Variants in SCAMP1 observed in about 807,000 individuals in gnomAD.
The protein encoded by SCAMP1 is secretory carrier membrane protein 1.
SCAMP1 carries 15 observed loss-of-function variants against 41.8 expected under a neutral mutation model. The ratio of observed to expected loss-of-function variants is 0.36; its 90% CI spans 0.24 to 0.55. The LOEUF (loss-of-function observed/expected upper bound fraction) is 0.55, where lower values mean the gene tolerates loss of function less well. SCAMP1 is among the 20% of genes least tolerant of loss of function. The pLI is 0.86. For synonymous variants in SCAMP1, 135 were observed against 136.8 expected (o/e 0.99, Z 0.09); for missense variants, 341 against 412.6 (o/e 0.83, Z 1.50).
At chr5:78,387,485 G>C (rs1380373160) in intron 1 of SCAMP1, among the ~76,000 whole-genome samples, 1 of 151,232 alleles carries the variant, frequency 6.6e-6, no homozygotes, top group African/African-American at 2.4e-5. Context: ...GTCTTGGTTT[G>C]GATCCATTGC....
At chr5:78,403,370 G>A (rs981634239) in intron 2 of SCAMP1, among the ~76,000 whole-genome samples, 12 of 151,678 alleles carry the variant, frequency 7.9e-5, no homozygotes, top group African/African-American at 2.7e-4. Flanking sequence ...CATTCATTTC[G>A]CTGATATATA....
chr5:78,421,406 A>G (rs916164556), intron 5 of SCAMP1, among the ~76,000 whole-genome samples: 1 of 152,208 alleles, frequency 6.6e-6, no homozygotes, highest in Non-Finnish European at 1.5e-5. Context: ...CCCATTCTGT[A>G]AAGATATGGT....
At chr5:78,421,521 T>C (rs1752339037) in intron 5 of SCAMP1, among the ~76,000 whole-genome samples, 1 of 152,146 alleles carries the variant, frequency 6.6e-6, no homozygotes, top group African/African-American at 2.4e-5. Flanking sequence ...GCCCTTAAGG[T>C]AGTGCGCCTC....
intron 1 of SCAMP1, among the ~76,000 whole-genome samples, chr5:78,375,395 C>T (rs1751041561): frequency 6.6e-6 from 1 of 152,032 alleles, no homozygotes; most frequent in Non-Finnish European, 1.5e-5. Context: ...ATCTCTAAGT[C>T]AGTATTCTCA....
rs138743920 is a variant in SCAMP1, at chr5:78,443,268, T to C, written c.633-6665T>C. Reference sequence around the variant, plus strand: ...TTACCTTAATAGATGCACAGATAAGTAGCAGCATTTCTGTTACCAGCTATG... The same window carrying C: ...TTACCTTAATAGATGCACAGATAAGCAGCAGCATTTCTGTTACCAGCTATG... On this transcript the variant is annotated intron_variant, in intron 6 of 8. Coordinates refer to ENST00000621999, the MANE Select transcript of SCAMP1 (RefSeq NM_004866.6). Among the ~76,000 whole-genome samples, 66 of 144,878 alleles carry C rather than the reference T, an allele frequency of 4.6e-4. 2 individuals carry two copies. Among genetic ancestry groups the C allele is most frequent in the African/African-American group, 1.6e-3 (64 of 39,178 alleles).
At chr5:78,391,313 G>A (rs369263145) in intron 2 of SCAMP1, among the ~76,000 whole-genome samples, 29,050 of 129,814 alleles carry the variant, frequency 0.22, 2,048 homozygotes, top group East Asian at 0.43. Context: ...CGGACGGGGC[G>A]GCTGGCCGGG....
chr5:78,460,757 CTT>C, intron 8 of SCAMP1, among the ~76,000 whole-genome samples: 1 of 30,944 alleles, frequency 3.2e-5, no homozygotes, highest in Non-Finnish European at 6.4e-5. Flanking sequence ...TCCTTCCTTC[CTT>C]CCTTCCTTCC....
intron 1 of SCAMP1, among the ~76,000 whole-genome samples, chr5:78,386,924 T>G (rs929319312): frequency 6.6e-6 from 1 of 152,202 alleles, no homozygotes; most frequent in Non-Finnish European, 1.5e-5. Context: ...ACCTGATGAC[T>G]ATGTGCCTAG....
chr5:78,450,050 TACTAG>T lies in SCAMP1; in HGVS notation c.734+17_734+21del. 7.3e-7 allele frequency: 1 copy of T among 1,379,192 alleles called. No individual in the cohort carries two copies. The highest frequency in any genetic ancestry group is 1.0e-6 in the Non-Finnish European group (1 of 991,484). 85.4% of individuals were successfully genotyped at this position (1,379,192 alleles called of 1,614,324 possible). On this transcript the variant is annotated intron_variant, in intron 7 of 8. Coordinates refer to ENST00000621999, the MANE Select transcript of SCAMP1 (RefSeq NM_004866.6). Reference sequence around the variant, plus strand: ...GGGGCAATTGGTAAGTTTTTTTTTTTACTAGTTTTCAGCTTTAATCTAATATTGTA... The same window carrying T: ...GGGGCAATTGGTAAGTTTTTTTTTTTTTTTCAGCTTTAATCTAATATTGTA...
intron 7 of SCAMP1, among the ~76,000 whole-genome samples, chr5:78,456,562 T>G (rs1753409419): frequency 6.6e-6 from 1 of 151,296 alleles, no homozygotes; most frequent in Non-Finnish European, 1.5e-5. Context: ...CTGCTGTTAG[T>G]CTGATGGGCT....
intron 6 of SCAMP1, among the ~76,000 whole-genome samples, chr5:78,423,440 GTTTTGTTTT>G (rs985329056): frequency 6.6e-6 from 1 of 152,048 alleles, no homozygotes; most frequent in African/African-American, 2.4e-5. Flanking sequence ...AGTTTGTTTT[GTTTTGTTTT>G]TTTTGGACAT....
chr5:78,467,526 A>G (rs1753776967), intron 8 of SCAMP1, among the ~76,000 whole-genome samples: 1 of 152,148 alleles, frequency 6.6e-6, no homozygotes, highest in African/African-American at 2.4e-5. Context: ...AAGAAATATG[A>G]CTTTCTCGAA....
rs1013396471 is a variant in SCAMP1 at position 78,439,064 on chromosome 5, T to G, written c.633-10869T>G. On this transcript the variant is annotated intron_variant, in intron 6 of 8. Coordinates refer to ENST00000621999, the MANE Select transcript of SCAMP1 (RefSeq NM_004866.6). ...CTGCTTCTTTTTGCTTTCCATTTGC[T>G]TGGTAGATCTTCCTCCATCCCTTTA... Among the ~76,000 whole-genome samples the G allele has an allele frequency of 3.9e-5, 6 of 152,310 alleles. No homozygotes were observed. In the East Asian group the frequency reaches 1.2e-3, roughly 29 times the overall value.
At chr5:78,398,854 A>G (rs1181570485) in intron 2 of SCAMP1, among the ~76,000 whole-genome samples, 1 of 152,048 alleles carries the variant, frequency 6.6e-6, no homozygotes, top group East Asian at 1.9e-4. Flanking sequence ...CCCAGCGTTC[A>G]TTCTTGATGT....
chr5:78,382,271 T>A (rs776949381), intron 1 of SCAMP1, among the ~76,000 whole-genome samples: 2 of 152,222 alleles, frequency 1.3e-5, no homozygotes, highest in East Asian at 3.8e-4. Context: ...ATGTGAATTA[T>A]GTAGTTGACT....
intron 2 of SCAMP1, among the ~76,000 whole-genome samples, chr5:78,401,088 T>C (rs1325727803): frequency 6.6e-6 from 1 of 152,214 alleles, no homozygotes; most frequent in Non-Finnish European, 1.5e-5. Flanking sequence ...CTGTATCTAC[T>C]GATATGGTCA....
intron 7 of SCAMP1, among the ~76,000 whole-genome samples, chr5:78,454,516 C>T (rs1753332034): frequency 1.3e-5 from 2 of 151,936 alleles, no homozygotes; most frequent in East Asian, 3.9e-4. Flanking sequence ...ACCAGCCTTG[C>T]ATCCCAGGGA....
At chr5:78,424,485 T>A (rs1370523291) in intron 6 of SCAMP1, among the ~76,000 whole-genome samples, 1 of 152,144 alleles carries the variant, frequency 6.6e-6, no homozygotes, top group Non-Finnish European at 1.5e-5. Flanking sequence ...ATCCCAGCAC[T>A]TTGGGAGGCA....
chr5:78,458,021 C>T (rs564603677), intron 7 of SCAMP1: 2 of 153,046 alleles, frequency 1.3e-5, no homozygotes, highest in East Asian at 1.9e-4. Flanking sequence ...CCAAGTGAGG[C>T]AATGCCTCGC....
Sources: allele counts gnomAD v4.1 joint callset (sites outside exome capture counted in the v4.1 genomes callset), GRCh38; gene constraint gnomAD v4.1.1; transcripts MANE v1.5; gene names NCBI Gene and HGNC (gene_info 2026-07-23, HGNC 2026-07-21).